LINGO2: variants seen among roughly 807,000 people sequenced by gnomAD.
LINGO2 encodes leucine rich repeat and Ig domain containing 2.
Under a neutral mutation model 30.6 loss-of-function variants are expected in LINGO2, and 14 were observed. That is an observed-to-expected ratio of 0.46 (90% CI 0.30 to 0.72). The LOEUF is 0.72. LINGO2 is among the 30% of genes least tolerant of loss of function. The pLI, the probability that LINGO2 is intolerant of heterozygous loss-of-function variation, is 0.07. For missense variants in LINGO2, 729 were observed against 751.7 expected (o/e 0.97, Z 0.35); for synonymous variants, 317 against 288.5 (o/e 1.10, Z -1.00).
At chr9:28,502,131 G>GACACACACACAC (rs57545947) in intron 1 of LINGO2, among the ~76,000 whole-genome samples, 238 of 147,130 alleles carry the variant, frequency 1.6e-3, no homozygotes, top group African/African-American at 2.6e-3. Context: ...GAGAAACACA[G>GACACACACACAC]ACACACACAC....
At chr9:28,831,508 T>C in the LINGO2 span, among the ~76,000 whole-genome samples, 13 of 152,080 alleles carry the variant, frequency 8.5e-5, 1 homozygote. Flanking sequence ...GGTTAGTAGG[T>C]AGTATAGAGC....
At chr9:28,326,729 T>G (rs1176452162) in intron 3 of LINGO2, among the ~76,000 whole-genome samples, 1 of 152,198 alleles carries the variant, frequency 6.6e-6, no homozygotes, top group African/African-American at 2.4e-5. Flanking sequence ...AATACATCAA[T>G]AGTATTTTTC....
intron 1 of LINGO2, among the ~76,000 whole-genome samples, chr9:28,571,889 C>G (rs1206015988): frequency 2.0e-5 from 3 of 152,030 alleles, no homozygotes; most frequent in African/African-American, 4.8e-5. Context: ...TGACCAGGGT[C>G]AGCTAATTTG....
the LINGO2 span, among the ~76,000 whole-genome samples, chr9:28,679,027 G>A: frequency 1.3e-5 from 2 of 151,988 alleles, no homozygotes; most frequent in African/African-American, 4.8e-5. Context: ...AGTCGGCTTT[G>A]GAAGGTTCCC....
the LINGO2 span, among the ~76,000 whole-genome samples, chr9:28,720,761 G>C: frequency 2.6e-5 from 4 of 152,058 alleles, no homozygotes; most frequent in East Asian, 7.7e-4. Flanking sequence ...AGAGGAATAT[G>C]TGTGGTCCCT....
chr9:28,382,226 T>C (rs555315954), intron 2 of LINGO2, among the ~76,000 whole-genome samples: 2 of 152,272 alleles, frequency 1.3e-5, no homozygotes, highest in South Asian at 4.1e-4. Context: ...CTCTTTGTGA[T>C]TATTAAGCTA....
chr9:28,734,522 G>A, the LINGO2 span, among the ~76,000 whole-genome samples: 1 of 152,166 alleles, frequency 6.6e-6, no homozygotes, highest in East Asian at 1.9e-4. Flanking sequence ...GGGGAGAAAT[G>A]AAGCACAGAG....
chr9:28,556,310 A>C (rs1350493721), intron 1 of LINGO2, among the ~76,000 whole-genome samples: 1 of 151,998 alleles, frequency 6.6e-6, no homozygotes, highest in Non-Finnish European at 1.5e-5. Flanking sequence ...TCAGGATACA[A>C]AATCAATGTA....
At chr9:29,006,049 C>G in the LINGO2 span, among the ~76,000 whole-genome samples, 68,810 of 150,892 alleles carry the variant, frequency 0.46, 16,353 homozygotes, top group Middle Eastern at 0.53. Context: ...ATTAATCAAC[C>G]GATAGCTGCT....
At chr9:28,490,896 G>C (rs1196685936) in intron 1 of LINGO2, among the ~76,000 whole-genome samples, 1 of 152,066 alleles carries the variant, frequency 6.6e-6, no homozygotes, top group African/African-American at 2.4e-5. Flanking sequence ...ATATCAAAGG[G>C]TGTATGTAAA....
At chr9:27,944,781 C>T (rs1823299862), downstream of LINGO2, among the ~76,000 whole-genome samples, 1 of 151,844 alleles carries the variant, frequency 6.6e-6, no homozygotes. Context: ...GCCTTTGGTC[C>T]CAAAGGTTTT....
chr9:27,938,321 T>A, the LINGO2 span: 2 of 152,266 alleles, frequency 1.3e-5, no homozygotes, highest in South Asian at 4.1e-4. Context: ...AAAGCAGGGT[T>A]CATACTCAAT....
the LINGO2 span, among the ~76,000 whole-genome samples, chr9:29,072,302 C>T: frequency 1.2e-4 from 18 of 151,860 alleles, no homozygotes; most frequent in East Asian, 1.9e-4. Flanking sequence ...TAATATTAAT[C>T]GATCATTTTT....
At chr9:28,403,841 T>C (rs1822379051) in intron 2 of LINGO2, among the ~76,000 whole-genome samples, 3 of 152,218 alleles carry the variant, frequency 2.0e-5, no homozygotes, top group African/African-American at 7.2e-5. Flanking sequence ...TAGAAACACT[T>C]GCTACAGTTA....
intron 2 of LINGO2, among the ~76,000 whole-genome samples, chr9:28,472,068 G>GA (rs889506791): frequency 6.6e-6 from 1 of 152,018 alleles, no homozygotes; most frequent in African/African-American, 2.4e-5. Context: ...GACTTGGAAA[G>GA]AAAAAAGAGG....
intron 4 of LINGO2, among the ~76,000 whole-genome samples, chr9:28,151,301 A>C (rs1395391588): frequency 6.6e-6 from 1 of 152,052 alleles, no homozygotes; most frequent in East Asian, 1.9e-4. Flanking sequence ...TAATATATGC[A>C]TAAGAGGAAT....
chr9:28,685,572 A>T, the LINGO2 span, among the ~76,000 whole-genome samples: 3 of 152,166 alleles, frequency 2.0e-5, no homozygotes, highest in African/African-American at 7.2e-5. Flanking sequence ...TTGGAATCAT[A>T]TGATGTCATG....
At chr9:28,277,861 A>C (rs1434254882) in intron 4 of LINGO2, among the ~76,000 whole-genome samples, 1 of 151,724 alleles carries the variant, frequency 6.6e-6, no homozygotes, top group Admixed American at 6.6e-5. Flanking sequence ...AAAAAAAAAA[A>C]CAACTAGAAA....
chr9:28,632,720 C>CTA (rs1174032997), intron 1 of LINGO2, among the ~76,000 whole-genome samples: 6 of 125,618 alleles, frequency 4.8e-5, no homozygotes, highest in Admixed American at 1.6e-4. Flanking sequence ...ATATATAGAT[C>CTA]TATATATAGA....
Sources: gnomAD v4.1 joint callset for allele counts (sites outside exome capture counted in the v4.1 genomes callset) on GRCh38, gnomAD v4.1.1 for gene constraint, MANE v1.5 for transcripts, NCBI Gene and HGNC (gene_info 2026-07-23, HGNC 2026-07-21) for gene names.